PDXK: variants seen among roughly 807,000 people sequenced by gnomAD.
The protein encoded by PDXK is pyridoxal kinase, also known as epididymis secretory sperm binding protein Li 1a.
A neutral mutation model predicts 43.2 loss-of-function variants in PDXK; 15 were observed. That is an observed-to-expected ratio of 0.35 (90% CI 0.23 to 0.53). PDXK has a LOEUF of 0.53. Among genes scored for constraint, PDXK ranks in the 20% least tolerant of loss-of-function variants. PDXK has a pLI of 0.92. For synonymous variants in PDXK, 172 were observed against 165.4 expected (o/e 1.04, Z -0.31); for missense variants, 343 against 417.0 (o/e 0.82, Z 1.54).
chr21:43,725,679 C>T (rs1484520805), intron 1 of PDXK, among the ~76,000 whole-genome samples: 2 of 152,010 alleles, frequency 1.3e-5, no homozygotes, highest in African/African-American at 4.8e-5. Context: ...GGCGTGGTGG[C>T]ACACTACTGT....
intron 1 of PDXK, chr21:43,733,698 G>T: frequency 8.9e-7 from 1 of 1,129,244 alleles, no homozygotes; most frequent in Non-Finnish European, 1.1e-6. Flanking sequence ...TCAGTGTGTG[G>T]ACAGATGGGT....
rs371004075 is a variant in PDXK, at chr21:43,733,000, G to A, written c.88-1069G>A. 1.8e-4 allele frequency among the ~76,000 whole-genome samples: 28 copies of A among 152,104 alleles called. No homozygotes were observed. In the East Asian group the frequency reaches 3.9e-3, roughly 21 times the overall value. On this transcript the variant is annotated intron_variant, in intron 1 of 10. Transcript: ENST00000291565. The surrounding 1 kb of genome is among the most constrained non-coding windows in gnomAD (Gnocchi z 4.1). ...TGGCCTCAAACTGTACTCCTACCTC[G>A]GCCTCCTAAAGTGCTGGGATTACAG...
chr21:43,753,220 G>A (rs766296951), intron 8 of PDXK, among the ~76,000 whole-genome samples: 4 of 151,988 alleles, frequency 2.6e-5, no homozygotes, highest in African/African-American at 7.3e-5. Flanking sequence ...ACATGCACAC[G>A]GACACATGCA....
At chr21:43,721,322 T>G (rs2083204865) in intron 1 of PDXK, among the ~76,000 whole-genome samples, 1 of 152,280 alleles carries the variant, frequency 6.6e-6, no homozygotes, top group Non-Finnish European at 1.5e-5. Context: ...CAAGAGTTTG[T>G]TCTTGATTTT....
intron 9 of PDXK, chr21:43,755,391 A>C: frequency 2.5e-6 from 1 of 403,882 alleles, no homozygotes; most frequent in Non-Finnish European, 4.6e-6. Context: ...TAATTCTGGG[A>C]ACTCCTACCA....
At chr21:43,750,746 T>TGC (rs760965036) in intron 7 of PDXK, among the ~76,000 whole-genome samples, 1 of 149,726 alleles carries the variant, frequency 6.7e-6, no homozygotes, top group African/African-American at 2.5e-5. Context: ...TGTGTGTGTG[T>TGC]GTGCATGTGT....
intron 1 of PDXK, among the ~76,000 whole-genome samples, chr21:43,726,547 A>G (rs1485503110): frequency 6.6e-6 from 1 of 152,044 alleles, no homozygotes; most frequent in Non-Finnish European, 1.5e-5. Context: ...AAGTGCTGGG[A>G]TTACGGCTGA....
intron 1 of PDXK, among the ~76,000 whole-genome samples, chr21:43,726,432 C>T (rs1233497135): frequency 6.6e-6 from 1 of 152,058 alleles, no homozygotes; most frequent in Non-Finnish European, 1.5e-5. Flanking sequence ...CCCGCCACCA[C>T]ACCAGGCAAA....
chr21:43,756,116 C>T lies in PDXK; in HGVS notation c.*53C>T, dbSNP rs1362472290. Reference sequence around the variant, plus strand: ...AGCGCGTTGGTGTCTCCGTGTTTGTCCCTGTGAAAACATGTAACGTCTGCC... The same window carrying T: ...AGCGCGTTGGTGTCTCCGTGTTTGTTCCTGTGAAAACATGTAACGTCTGCC... On this transcript the variant is annotated 3_prime_UTR_variant, in exon 11 of 11. Transcript: ENST00000291565. 1.9e-6 allele frequency: 2 copies of T among 1,063,636 alleles called. No individual in the cohort carries two copies. Among genetic ancestry groups the T allele is most frequent in the Non-Finnish European group, 2.9e-6 (2 of 700,444 alleles). The allele number at this position is 1,063,636 out of a possible 1,614,324, so 65.9% of individuals were successfully genotyped here. A position where few individuals can be genotyped will look rare whatever the true frequency, so the allele number is the denominator to read the frequency against.
At chr21:43,733,791 C>A in intron 1 of PDXK, 1 of 780,696 alleles carries the variant, frequency 1.3e-6, no homozygotes, top group Non-Finnish European at 1.9e-6. Context: ...AAGTGCTTCC[C>A]CATGGAGGTC....
intron 2 of PDXK, among the ~76,000 whole-genome samples, chr21:43,739,473 C>T (rs1223181853): frequency 2.0e-5 from 3 of 152,186 alleles, no homozygotes; most frequent in Non-Finnish European, 4.4e-5. Context: ...GTTTAATGGA[C>T]TCACAGTTCA....
In PDXK at chr21:43,760,786, C is replaced by T. The variant is rs2083921683; in HGVS notation, c.*4723C>T. 6.6e-6 allele frequency: 1 copy of T among 152,216 alleles called. No individual in the cohort carries two copies. Among genetic ancestry groups the T allele is most frequent in the Non-Finnish European group, 1.5e-5 (1 of 68,058 alleles). The allele number at this position is 152,216 out of a possible 1,614,324, so 9.4% of individuals were successfully genotyped here. The stretch of plus-strand genomic sequence containing the variant: ...GGCATCGTGGCGTGACAGCTGTGTC[C>T]AAGCCACTGCCCGGGCATCCCATCA... On this transcript the variant is annotated 3_prime_UTR_variant, in exon 11 of 11. Transcript: ENST00000291565.
At position 43,723,053 on chromosome 21, in the gene PDXK, T is replaced by G. The variant is rs2083220507; in HGVS notation, c.87+3672T>G. Among the ~76,000 whole-genome samples the G allele has an allele frequency of 6.6e-6, 1 of 151,862 alleles. No homozygotes were observed. The highest frequency in any genetic ancestry group is 1.5e-5 in the Non-Finnish European group (1 of 67,976). ...CGGGGTTTCACCGTGTTAGCCAGGA[T>G]GGTCTCAATCTCCTGACCTCGTGAT... On this transcript the variant is annotated intron_variant, in intron 1 of 10. Transcript: ENST00000291565. The surrounding 1 kb of genome is among the most constrained non-coding windows in gnomAD (Gnocchi z 4.1).
At chr21:43,733,248 TCC>T in intron 1 of PDXK, among the ~76,000 whole-genome samples, 1 of 35,112 alleles carries the variant, frequency 2.8e-5, no homozygotes, top group South Asian at 1.6e-3. Context: ...CCCCTCCCCA[TCC>T]CCACCCCCCC....
chr21:43,735,735 C>G lies in PDXK; in HGVS notation c.142+1612C>G, dbSNP rs1276919311. 6.6e-6 allele frequency among the ~76,000 whole-genome samples: 1 copy of G among 151,998 alleles called. No homozygotes were observed. The highest frequency in any genetic ancestry group is 1.5e-5 in the Non-Finnish European group (1 of 67,970). On this transcript the variant is annotated intron_variant, in intron 2 of 10. Coordinates refer to ENST00000291565, the MANE Select transcript of PDXK (RefSeq NM_003681.5). This position sits in a 1 kb window ranked among gnomAD's most constrained non-coding sequence, Gnocchi z 5.3. ...GGGCTGGCTCCCAGCCCCCTGTACC[C>G]ACACTCTCGGGGTCAGCTGTCTGTG...
rs1179478472 is a variant in PDXK, at chr21:43,728,788, G to C, written c.88-5281G>C. The C allele has an allele frequency of 4.1e-6, 4 of 985,796 alleles. No homozygotes were observed. In the South Asian group the frequency reaches 1.4e-4, roughly 35 times the overall value. The allele number at this position is 985,796 out of a possible 1,614,324, so 61.1% of individuals were successfully genotyped here. A position where few individuals can be genotyped will look rare whatever the true frequency, so the allele number is the denominator to read the frequency against. On this transcript the variant is annotated intron_variant, in intron 1 of 10. Transcript: ENST00000291565. ...GATGAGCTTGTGTCGCGGGCGGCAG[G>C]GGGAAGGGAGTCGGAGAGCTCCTGC...
At chr21:43,753,196 GCACACACAGGCATACATGCACACGGA>G (rs1568992910) in intron 8 of PDXK, among the ~76,000 whole-genome samples, 1 of 151,820 alleles carries the variant, frequency 6.6e-6, no homozygotes, top group East Asian at 1.9e-4. Context: ...ATACACACGG[GCACACACAGGCATACATGCACACGGA>G]CACATGCATA....
intron 1 of PDXK, 80 bp from the exon 2 acceptor site, chr21:43,733,989 T>C: frequency 1.4e-6 from 2 of 1,417,304 alleles, no homozygotes; most frequent in Non-Finnish European, 2.0e-6. Context: ...ACTCCCCTCT[T>C]CTGAGTCAGC....
rs2083431051 is a variant in PDXK, at chr21:43,737,846, TAA to T, written c.142+3725_142+3726del. On this transcript the variant is annotated intron_variant, in intron 2 of 10. Coordinates refer to ENST00000291565, the MANE Select transcript of PDXK (RefSeq NM_003681.5). This position sits in a 1 kb window ranked among gnomAD's most constrained non-coding sequence, Gnocchi z 4.8. ...TTGTTTGCCTGTGCTTTTTCATCTG[TAA>T]ATGGAATGAGTTGGACACAAGATCC... 1 of 985,328 alleles carries T rather than the reference TAA, an allele frequency of 1.0e-6. No homozygotes were observed. Among genetic ancestry groups the T allele is most frequent in the Non-Finnish European group, 1.2e-6 (1 of 829,946 alleles). 61.0% of individuals were successfully genotyped at this position (985,328 alleles called of 1,614,324 possible).
Sources: gnomAD v4.1 joint callset for allele counts (sites outside exome capture counted in the v4.1 genomes callset) on GRCh38, gnomAD v4.1.1 for gene constraint, Gnocchi (gnomAD v3.1) non-coding constraint, MANE v1.5 for transcripts, NCBI Gene and HGNC (gene_info 2026-07-23, HGNC 2026-07-21) for gene names.